RABGAP1L: variants seen among roughly 807,000 people sequenced by gnomAD.
RABGAP1L encodes RAB GTPase activating protein 1 like.
A neutral mutation model predicts 137.7 loss-of-function variants in RABGAP1L; 63 were observed. The ratio of observed to expected loss-of-function variants is 0.46; its 90% CI spans 0.37 to 0.56. The LOEUF (loss-of-function observed/expected upper bound fraction) is 0.56. Ranked by LOEUF, RABGAP1L falls within the 20% of genes least tolerant of loss-of-function variation. The pLI, the probability that RABGAP1L is intolerant of heterozygous loss-of-function variation, is 0.00. For synonymous variants in RABGAP1L, 431 were observed against 433.7 expected, an observed-to-expected ratio of 0.99 and a Z score of 0.08; for missense variants, 1,095 against 1,244.0, an observed-to-expected ratio of 0.88 and a Z score of 1.80.
chr1:174,282,584 A>G (rs1675673803), intron 10 of RABGAP1L, among the ~76,000 whole-genome samples: 1 of 152,142 alleles, frequency 6.6e-6, no homozygotes, highest in African/African-American at 2.4e-5. Flanking sequence ...TTTTATTTTC[A>G]TAATGTCTCT....
At chr1:174,289,005 T>G (rs921975554) in intron 10 of RABGAP1L, among the ~76,000 whole-genome samples, 1 of 152,272 alleles carries the variant, frequency 6.6e-6, no homozygotes, top group African/African-American at 2.4e-5. Flanking sequence ...TGCTATTAAA[T>G]TTTTAAATTC....
At chr1:174,665,211 TG>T (rs1676692226) in intron 14 of RABGAP1L, among the ~76,000 whole-genome samples, 1 of 152,206 alleles carries the variant, frequency 6.6e-6, no homozygotes, top group Non-Finnish European at 1.5e-5. Flanking sequence ...GCCTGGGCTC[TG>T]GAGCTGGACT....
At chr1:174,616,824 G>A (rs1238338842) in intron 13 of RABGAP1L, among the ~76,000 whole-genome samples, 1 of 152,178 alleles carries the variant, frequency 6.6e-6, no homozygotes, top group African/African-American at 2.4e-5. Context: ...GCCTTTTGCT[G>A]GTGGCTACAT....
At chr1:174,525,576 T>C (rs546502582) in intron 13 of RABGAP1L, among the ~76,000 whole-genome samples, 1 of 152,308 alleles carries the variant, frequency 6.6e-6, no homozygotes, top group South Asian at 2.1e-4. Flanking sequence ...TAAGATCATG[T>C]CATCTGCAGA....
intron 10 of RABGAP1L, among the ~76,000 whole-genome samples, chr1:174,297,614 A>G (rs1677243909): frequency 6.6e-6 from 1 of 152,110 alleles, no homozygotes; most frequent in Non-Finnish European, 1.5e-5. Context: ...ACCGATCTTA[A>G]CTGCTTCCTG....
chr1:174,414,203 A>C lies in RABGAP1L; in HGVS notation c.1710+20058A>C, dbSNP rs770738839. On this transcript the variant is annotated intron_variant, in intron 13 of 25. Coordinates refer to ENST00000681986, the MANE Select transcript of RABGAP1L (RefSeq NM_001366446.1). ...GATATTTCTAGGCCACATGGTTGGC[A>C]TGTTTTTCATGTTATCACAGATCTT... 1.4e-4 allele frequency among the ~76,000 whole-genome samples: 22 copies of C among 152,056 alleles called. 1 individual carries two copies. Among genetic ancestry groups the C allele is most frequent in the Non-Finnish European group, 1.0e-4 (7 of 68,012 alleles).
At chr1:174,479,709 A>C (rs1442709359) in intron 13 of RABGAP1L, among the ~76,000 whole-genome samples, 1 of 152,158 alleles carries the variant, frequency 6.6e-6, no homozygotes, top group Non-Finnish European at 1.5e-5. Context: ...ATAATTTACT[A>C]GGTGTATTAA....
chr1:174,981,550 CTTTTTTTTTTTTTTTTT>C (rs10556099), intron 23 of RABGAP1L, among the ~76,000 whole-genome samples: 2 of 66,406 alleles, frequency 3.0e-5, no homozygotes, highest in East Asian at 6.7e-4. Context: ...GTTTTTCCAT[CTTTTTTTTTTTTTTTTT>C]TTTTTTTTTT....
At chr1:174,729,120 A>G (rs1682247006) in intron 17 of RABGAP1L, among the ~76,000 whole-genome samples, 1 of 152,214 alleles carries the variant, frequency 6.6e-6, no homozygotes, top group African/African-American at 2.4e-5. Context: ...TACTGGTACA[A>G]AAATAGACAC....
chr1:174,213,998 C>G (rs1472782994), intron 1 of RABGAP1L, among the ~76,000 whole-genome samples: 1 of 152,092 alleles, frequency 6.6e-6, no homozygotes, highest in East Asian at 1.9e-4. Context: ...CTAGAGCTAT[C>G]AGACAAGAGA....
intron 14 of RABGAP1L, among the ~76,000 whole-genome samples, chr1:174,662,675 T>G (rs1391743156): frequency 6.6e-6 from 1 of 152,196 alleles, no homozygotes; most frequent in African/African-American, 2.4e-5. Context: ...ATTACAGGCA[T>G]TAGCCACTGT....
chr1:174,560,377 C>T (rs1193036236), intron 13 of RABGAP1L, among the ~76,000 whole-genome samples: 1 of 151,914 alleles, frequency 6.6e-6, no homozygotes, highest in African/African-American at 2.4e-5. Flanking sequence ...TGGTGGGTGC[C>T]CCATCCTATG....
rs926693406 is a variant in RABGAP1L, at chr1:174,679,642, A to G, written c.1825-3880A>G. 3.0e-4 allele frequency among the ~76,000 whole-genome samples: 45 copies of G among 152,222 alleles called. 1 individual carries two copies. The highest frequency in any genetic ancestry group is 2.8e-3 in the Admixed American group (43 of 15,278). Reference sequence around the variant, plus strand: ...GCATATGGCCAAAGGAAGTAAAACTAACATTCACAAACAACATGGTTATGC... The same window carrying G: ...GCATATGGCCAAAGGAAGTAAAACTGACATTCACAAACAACATGGTTATGC... On this transcript the variant is annotated intron_variant, in intron 14 of 25. Coordinates refer to ENST00000681986, the MANE Select transcript of RABGAP1L (RefSeq NM_001366446.1).
intron 13 of RABGAP1L, among the ~76,000 whole-genome samples, chr1:174,458,886 A>C (rs1434215822): frequency 6.6e-6 from 1 of 152,088 alleles, no homozygotes; most frequent in Non-Finnish European, 1.5e-5. Flanking sequence ...CTTTTGTAGT[A>C]CTCCAATAGG....
intron 13 of RABGAP1L, among the ~76,000 whole-genome samples, chr1:174,490,476 A>G (rs1456848261): frequency 6.6e-6 from 1 of 152,168 alleles, no homozygotes; most frequent in Non-Finnish European, 1.5e-5. Flanking sequence ...GTGGGTTGAT[A>G]CAAGTGCCCC....
chr1:174,695,581 T>C (rs1320814727), intron 15 of RABGAP1L, among the ~76,000 whole-genome samples: 2 of 152,202 alleles, frequency 1.3e-5, no homozygotes, highest in African/African-American at 4.8e-5. Flanking sequence ...ATGTCACATA[T>C]CTCTCACTCC....
chr1:174,239,510 T>C (rs1671599365), intron 4 of RABGAP1L, among the ~76,000 whole-genome samples: 1 of 152,218 alleles, frequency 6.6e-6, no homozygotes, highest in African/African-American at 2.4e-5. Context: ...AAACATTTTA[T>C]CATAAGAAGC....
At chr1:174,444,216 T>C (rs953892603) in intron 13 of RABGAP1L, among the ~76,000 whole-genome samples, 5 of 152,046 alleles carry the variant, frequency 3.3e-5, no homozygotes, top group African/African-American at 1.2e-4. Context: ...TTGAATGTCA[T>C]TGGTATTTTG....
intron 13 of RABGAP1L, among the ~76,000 whole-genome samples, chr1:174,584,955 G>T (rs1669010349): frequency 6.6e-6 from 1 of 151,842 alleles, no homozygotes; most frequent in African/African-American, 2.4e-5. Flanking sequence ...ATAACCACTA[G>T]CCACATGTAT....
Sources: allele counts gnomAD v4.1 joint callset (sites outside exome capture counted in the v4.1 genomes callset), GRCh38; gene constraint gnomAD v4.1.1; transcripts MANE v1.5; gene names NCBI Gene and HGNC (gene_info 2026-07-23, HGNC 2026-07-21).